The following GRIN2A variants were observed in gnomAD, a reference collection of about 807,000 sequenced individuals.
GRIN2A encodes glutamate ionotropic receptor NMDA type subunit 2A.
A neutral mutation model predicts 113.4 loss-of-function variants in GRIN2A; 22 were observed. The observed-to-expected ratio is 0.19, with a 90% CI of 0.14 to 0.28. The LOEUF (loss-of-function observed/expected upper bound fraction) is 0.28. Among genes scored for constraint, GRIN2A ranks in the 10% least tolerant of loss-of-function variants. GRIN2A has a pLI of 1.00. For synonymous variants in GRIN2A, 827 were observed against 738.4 expected (o/e 1.12, Z -1.94); for missense variants, 1,502 against 1,887.0 (o/e 0.80, Z 3.78).
intron 3 of GRIN2A, among the ~76,000 whole-genome samples, chr16:9,937,466 A>G (rs1160577094): frequency 6.6e-6 from 1 of 152,172 alleles, no homozygotes; most frequent in Non-Finnish European, 1.5e-5. Flanking sequence ...CATCTCATGT[A>G]CCCCATAAAT....
chr16:9,859,156 CTT>C (rs974246755), intron 4 of GRIN2A, among the ~76,000 whole-genome samples: 1 of 152,086 alleles, frequency 6.6e-6, no homozygotes, highest in East Asian at 1.9e-4. Context: ...CTTTTTCTCA[CTT>C]TCTCTCTCTC....
At chr16:9,788,244 C>G (rs1277672195) in intron 11 of GRIN2A, among the ~76,000 whole-genome samples, 1 of 151,712 alleles carries the variant, frequency 6.6e-6, no homozygotes, top group Admixed American at 6.6e-5. Flanking sequence ...TCTCTCCTTA[C>G]TTTTTGACTC....
At position 9,765,976 on chromosome 16, in the gene GRIN2A, TG is replaced by T. The variant is rs1195653564; in HGVS notation, c.2596-1029del. Reference sequence around the variant, plus strand: ...CTGTTTACGTTCACTTAAAAGTAGCTGTTCAACTGTTATCAAGGGAAGAGCC... The same window carrying T: ...CTGTTTACGTTCACTTAAAAGTAGCTTTCAACTGTTATCAAGGGAAGAGCC... On this transcript the variant is annotated intron_variant, in intron 12 of 12. Coordinates refer to ENST00000330684, the MANE Select transcript of GRIN2A (RefSeq NM_001134407.3). 5.3e-5 allele frequency among the ~76,000 whole-genome samples: 8 copies of T among 152,354 alleles called. No homozygotes were observed. The South Asian group carries it at 1.4e-3, about 28-fold the overall frequency.
intron 2 of GRIN2A, chr16:9,970,734 G>A (rs2045654295): frequency 1.0e-6 from 1 of 962,522 alleles, no homozygotes; most frequent in Non-Finnish European, 1.2e-6. Flanking sequence ...AGCAGGCAGA[G>A]TCCCCTACCT....
At chr16:9,911,131 C>T (rs2044127177) in intron 3 of GRIN2A, among the ~76,000 whole-genome samples, 1 of 152,096 alleles carries the variant, frequency 6.6e-6, no homozygotes, top group Non-Finnish European at 1.5e-5. Context: ...GAGCTAACAG[C>T]AGCCTTAAAT....
intron 2 of GRIN2A, among the ~76,000 whole-genome samples, chr16:9,978,434 G>A (rs1161115331): frequency 1.3e-5 from 2 of 152,124 alleles, no homozygotes; most frequent in South Asian, 2.1e-4. Context: ...ATGGAAGGTG[G>A]TTAGTACTTT....
chr16:10,112,584 TCAGA>T, intron 2 of GRIN2A: 1 of 770,622 alleles, frequency 1.3e-6, no homozygotes, highest in East Asian at 2.5e-5. Flanking sequence ...GTACTTCTTC[TCAGA>T]CAGGGTGCAG....
chr16:10,138,963 T>C (rs967104128), intron 2 of GRIN2A, among the ~76,000 whole-genome samples: 5 of 152,216 alleles, frequency 3.3e-5, no homozygotes, highest in African/African-American at 1.2e-4. Flanking sequence ...ATTCTTGGTA[T>C]GGGAGTTCTC....
At chr16:10,028,811 C>T (rs2046871390) in intron 2 of GRIN2A, among the ~76,000 whole-genome samples, 1 of 152,150 alleles carries the variant, frequency 6.6e-6, no homozygotes, top group African/African-American at 2.4e-5. Flanking sequence ...TAAAAGCTTC[C>T]TTAGATGATC....
chr16:9,836,034 C>T (rs2042578831), intron 7 of GRIN2A, among the ~76,000 whole-genome samples: 1 of 151,928 alleles, frequency 6.6e-6, no homozygotes, highest in Non-Finnish European at 1.5e-5. Flanking sequence ...ATATTATGTC[C>T]CTGAAATAAT....
At chr16:10,117,765 GA>G (rs1460617091) in intron 2 of GRIN2A, among the ~76,000 whole-genome samples, 1 of 152,184 alleles carries the variant, frequency 6.6e-6, no homozygotes, top group Non-Finnish European at 1.5e-5. Flanking sequence ...ACAATTACCA[GA>G]AGAATGGAAA....
At chr16:10,139,143 C>T (rs1160570303) in intron 2 of GRIN2A, among the ~76,000 whole-genome samples, 1 of 152,148 alleles carries the variant, frequency 6.6e-6, no homozygotes, top group East Asian at 1.9e-4. Context: ...GCCCTGGAGG[C>T]CTGGAATCTG....
At chr16:10,066,943 A>G (rs1383116447) in intron 2 of GRIN2A, among the ~76,000 whole-genome samples, 2 of 152,210 alleles carry the variant, frequency 1.3e-5, no homozygotes, top group African/African-American at 2.4e-5. Flanking sequence ...AATATTAGCC[A>G]GCGTTCAAAA....
At chr16:10,030,035 A>G (rs1459883635) in intron 2 of GRIN2A, among the ~76,000 whole-genome samples, 1 of 152,102 alleles carries the variant, frequency 6.6e-6, no homozygotes, top group African/African-American at 2.4e-5. Context: ...TATATATACA[A>G]AAAGAAACTC....
At chr16:10,091,919 GTTCTAAAA>G (rs1211634252) in intron 2 of GRIN2A, among the ~76,000 whole-genome samples, 3 of 152,118 alleles carry the variant, frequency 2.0e-5, no homozygotes, top group Non-Finnish European at 4.4e-5. Flanking sequence ...TGGTGAAAAT[GTTCTAAAA>G]TTTATTTGGG....
chr16:9,794,054 A>G (rs1247998589), intron 11 of GRIN2A, among the ~76,000 whole-genome samples: 1 of 152,232 alleles, frequency 6.6e-6, no homozygotes, highest in Admixed American at 6.5e-5. Context: ...AGCAATGCTG[A>G]AACATATGCA....
chr16:10,111,663 C>T, intron 2 of GRIN2A: 2 of 1,559,478 alleles, frequency 1.3e-6, no homozygotes, highest in South Asian at 2.2e-5. Context: ...TTCACCACAA[C>T]TGCACCCCAG....
rs752930232 is a variant in GRIN2A at position 9,768,889 on chromosome 16, A to C, written c.2557T>G (p.Cys853Gly). 1 of 1,614,174 alleles carries C rather than the reference A, an allele frequency of 6.2e-7. No homozygotes were observed. The highest frequency in any genetic ancestry group is 8.5e-7 in the Non-Finnish European group (1 of 1,180,004). The change falls in exon 12 of 13, where the codon TGC becomes GGC. Residue 853 changes from cysteine to glycine, a missense_variant. Cys to Gly is a radical substitution (Grantham distance 159). Around this residue, in one of 7 missense-constraint regions of GRIN2A, gnomAD observed 832 missense variants for 789.7 expected, o/e 1.05. Transcript: ENST00000330684. ...WKLRFCFTGV[C>G]SDRPGLLFSI... ...AAGAGCAACCCAGGCCGGTCGGAGC[A>C]CACGCCCGTGAAACAGAAGCGCAGC... is the stretch of plus-strand genomic sequence containing the variant.
intron 2 of GRIN2A, among the ~76,000 whole-genome samples, chr16:10,085,222 T>C (rs72774174): frequency 0.083 from 12,615 of 152,178 alleles, 699 homozygotes; most frequent in Non-Finnish European, 0.13. Flanking sequence ...AAGCTGACCA[T>C]CTCGCAGGCT....
Sources: allele counts gnomAD v4.1 joint callset (sites outside exome capture counted in the v4.1 genomes callset), GRCh38; gene constraint gnomAD v4.1.1; regional missense constraint gnomAD v4.1.1; transcripts MANE v1.5; gene names NCBI Gene and HGNC (gene_info 2026-07-23, HGNC 2026-07-21).